The following SLC8A1 variants were observed in gnomAD, a reference collection of about 807,000 sequenced individuals.
The protein encoded by SLC8A1 is sodium/calcium exchanger 1.
Under a neutral mutation model 68.3 loss-of-function variants are expected in SLC8A1, and 18 were observed. That is an observed-to-expected ratio of 0.26 (90% CI 0.18 to 0.39). SLC8A1 has a LOEUF of 0.39. Among genes scored for constraint, SLC8A1 ranks in the 10% least tolerant of loss-of-function variants. The pLI, the probability that SLC8A1 is intolerant of heterozygous loss-of-function variation, is 1.00. For missense variants in SLC8A1, 985 were observed against 1,156.7 expected, an observed-to-expected ratio of 0.85 and a Z score of 2.15; for synonymous variants, 475 against 415.5, an observed-to-expected ratio of 1.14 and a Z score of -1.74.
chr2:40,225,014 A>T (rs1462023335), intron 2 of SLC8A1, among the ~76,000 whole-genome samples: 1 of 152,150 alleles, frequency 6.6e-6, no homozygotes, highest in South Asian at 2.1e-4. Context: ...ACCTGGGCCT[A>T]TCATTTCTGG....
At chr2:40,425,365 T>A (rs1298827135) in intron 2 of SLC8A1, among the ~76,000 whole-genome samples, 4 of 151,874 alleles carry the variant, frequency 2.6e-5, no homozygotes, top group Admixed American at 2.6e-4. Context: ...AGATTAGGAA[T>A]CTATCTTGTT....
chr2:40,261,747 C>CTCAG (rs10631070), intron 2 of SLC8A1, among the ~76,000 whole-genome samples: 1 of 151,782 alleles, frequency 6.6e-6, no homozygotes, highest in African/African-American at 2.4e-5. Flanking sequence ...GTAAGTGCCA[C>CTCAG]AGTCGTTGCA....
chr2:40,159,225 T>G (rs1346059038), intron 6 of SLC8A1, among the ~76,000 whole-genome samples: 1 of 152,230 alleles, frequency 6.6e-6, no homozygotes, highest in East Asian at 1.9e-4. Flanking sequence ...TACTTTACTT[T>G]AATGTATCTG....
intron 2 of SLC8A1, among the ~76,000 whole-genome samples, chr2:40,246,479 A>C (rs1038324729): frequency 2.0e-5 from 3 of 152,170 alleles, no homozygotes; most frequent in African/African-American, 7.2e-5. Context: ...TTGTTCTTCT[A>C]TGAGTTTTAT....
intron 2 of SLC8A1, among the ~76,000 whole-genome samples, chr2:40,339,937 G>C (rs1667159871): frequency 6.6e-6 from 1 of 152,134 alleles, no homozygotes; most frequent in South Asian, 2.1e-4. Flanking sequence ...ACAAAGCTAG[G>C]TCAATCAAAC....
intron 2 of SLC8A1, among the ~76,000 whole-genome samples, chr2:40,284,364 C>T (rs1455635954): frequency 6.9e-6 from 1 of 145,652 alleles, no homozygotes; most frequent in Non-Finnish European, 1.5e-5. Context: ...TAGATATATA[C>T]ATATATTTAT....
At chr2:40,116,018 A>T (rs2035279098) in intron 7 of SLC8A1, among the ~76,000 whole-genome samples, 1 of 152,228 alleles carries the variant, frequency 6.6e-6, no homozygotes, top group Admixed American at 6.5e-5. Context: ...TGTGCTGGTC[A>T]TAATGACAGC....
intron 1 of SLC8A1, among the ~76,000 whole-genome samples, chr2:40,501,260 G>A (rs147035193): frequency 1.0e-3 from 153 of 151,362 alleles, no homozygotes; most frequent in African/African-American, 3.7e-3. Context: ...TTTGTTTTCT[G>A]TATTGTTTGA....
At chr2:40,230,871 T>C (rs1465588338) in intron 2 of SLC8A1, among the ~76,000 whole-genome samples, 1 of 152,226 alleles carries the variant, frequency 6.6e-6, no homozygotes. Context: ...GAGGGAGTTC[T>C]CCACATGCAG....
chr2:40,185,420 G>T (rs2050518928), intron 2 of SLC8A1, among the ~76,000 whole-genome samples: 1 of 152,314 alleles, frequency 6.6e-6, no homozygotes, highest in East Asian at 1.9e-4. Context: ...AAAAAGGAAT[G>T]ATGTAGTGAT....
chr2:40,487,606 G>A (rs534910305), intron 1 of SLC8A1, among the ~76,000 whole-genome samples: 18 of 152,204 alleles, frequency 1.2e-4, no homozygotes, highest in Non-Finnish European at 2.2e-4. Context: ...GTAGTCGGGG[G>A]AAAAATAGTG....
intron 1 of SLC8A1, among the ~76,000 whole-genome samples, chr2:40,466,404 G>A (rs1320768985): frequency 6.6e-6 from 1 of 152,108 alleles, no homozygotes; most frequent in East Asian, 1.9e-4. Flanking sequence ...CTACACTCAA[G>A]CATATTATTA....
intron 2 of SLC8A1, among the ~76,000 whole-genome samples, chr2:40,247,313 C>A (rs923654502): frequency 6.6e-5 from 10 of 152,164 alleles, no homozygotes; most frequent in African/African-American, 2.4e-4. Context: ...AACAGCCAGG[C>A]TCTAGGTTAA....
At chr2:40,331,633 G>T (rs554756592) in intron 2 of SLC8A1, among the ~76,000 whole-genome samples, 3 of 151,276 alleles carry the variant, frequency 2.0e-5, no homozygotes, top group Non-Finnish European at 2.9e-5. Context: ...TCGCTCTGTC[G>T]CCCAGGCTAG....
intron 2 of SLC8A1, among the ~76,000 whole-genome samples, chr2:40,346,632 C>G (rs920121431): frequency 1.3e-5 from 2 of 152,120 alleles, no homozygotes; most frequent in Non-Finnish European, 2.9e-5. Flanking sequence ...CTTTCAAGTA[C>G]AGTCCCAAAA....
chr2:40,199,267 C>G (rs1183344557), intron 2 of SLC8A1, among the ~76,000 whole-genome samples: 1 of 151,872 alleles, frequency 6.6e-6, no homozygotes, highest in South Asian at 2.1e-4. Flanking sequence ...TGGAAATGGA[C>G]ACTGCTCACC....
At chr2:40,286,137 C>G (rs1392564746) in intron 2 of SLC8A1, among the ~76,000 whole-genome samples, 1 of 152,092 alleles carries the variant, frequency 6.6e-6, no homozygotes, top group Non-Finnish European at 1.5e-5. Flanking sequence ...AGATGTCTGT[C>G]CAGTCAATGA....
At chr2:40,335,795 T>C (rs925273925) in intron 2 of SLC8A1, among the ~76,000 whole-genome samples, 7 of 152,240 alleles carry the variant, frequency 4.6e-5, no homozygotes, top group Non-Finnish European at 1.0e-4. Flanking sequence ...GCCTTTGTCA[T>C]GATTATCTGG....
At chr2:40,390,361 C>G (rs1230014782) in intron 2 of SLC8A1, among the ~76,000 whole-genome samples, 2 of 151,978 alleles carry the variant, frequency 1.3e-5, no homozygotes, top group Admixed American at 6.6e-5. Context: ...GAGGCTGATT[C>G]ACCTCAGCTC....
Sources: gnomAD v4.1 joint callset for allele counts (sites outside exome capture counted in the v4.1 genomes callset) on GRCh38, gnomAD v4.1.1 for gene constraint, MANE v1.5 for transcripts, NCBI Gene and HGNC (gene_info 2026-07-23, HGNC 2026-07-21) for gene names.